The following ACER3 variants were observed in gnomAD, a reference collection of about 807,000 sequenced individuals.
ACER3 encodes alkCDase 3.
ACER3 carries 16 observed loss-of-function variants against 48.9 expected under a neutral mutation model. That is an observed-to-expected ratio of 0.33 (90% CI 0.22 to 0.50). The LOEUF (loss-of-function observed/expected upper bound fraction) is 0.50. Among genes scored for constraint, ACER3 ranks in the 20% least tolerant of loss-of-function variants. ACER3 has a pLI of 0.98. For missense variants in ACER3, 227 were observed against 326.0 expected (o/e 0.70, Z 2.34); for synonymous variants, 109 against 107.8 (o/e 1.01, Z -0.07).
chr11:76,868,609 C>T (rs922675427), intron 1 of ACER3, among the ~76,000 whole-genome samples: 2 of 152,190 alleles, frequency 1.3e-5, no homozygotes, highest in African/African-American at 4.8e-5. Flanking sequence ...CTGTGGGTCA[C>T]AAGACCCTCA....
At chr11:76,923,452 A>G (rs1190967582) in intron 1 of ACER3, among the ~76,000 whole-genome samples, 3 of 152,092 alleles carry the variant, frequency 2.0e-5, no homozygotes, top group African/African-American at 7.2e-5. Context: ...TAATTCTAAC[A>G]TCTGTTCTGG....
intron 1 of ACER3, among the ~76,000 whole-genome samples, chr11:76,891,860 G>A (rs752244572): frequency 1.3e-5 from 2 of 152,138 alleles, no homozygotes; most frequent in Admixed American, 6.5e-5. Flanking sequence ...AAAGCACATC[G>A]AGTGTTGTTT....
intron 7 of ACER3, among the ~76,000 whole-genome samples, chr11:77,008,859 C>T (rs1405567990): frequency 2.0e-5 from 3 of 152,014 alleles, no homozygotes; most frequent in African/African-American, 7.3e-5. Flanking sequence ...AGTTTGAGAC[C>T]AGGCTGGGCA....
chr11:76,867,034 T>C (rs914685800), intron 1 of ACER3, among the ~76,000 whole-genome samples: 1 of 152,330 alleles, frequency 6.6e-6, no homozygotes, highest in Non-Finnish European at 1.5e-5. Flanking sequence ...ATAATGCTGC[T>C]GTGAATATGG....
chr11:77,021,500 C>T lies in ACER3; in HGVS notation c.*1173C>T, dbSNP rs1274864574. On this transcript the variant is annotated 3_prime_UTR_variant, in exon 11 of 11. Coordinates refer to ENST00000532485, the MANE Select transcript of ACER3 (RefSeq NM_018367.7). The stretch of plus-strand genomic sequence containing the variant: ...GTATAACAAATTGCATCACTTTTCA[C>T]AAACTTAACACCTGCCTGGAGTAAA... The T allele has an allele frequency of 6.6e-6, 1 of 152,178 alleles. No individual in the cohort carries two copies. The highest frequency in any genetic ancestry group is 6.5e-5 in the Admixed American group (1 of 15,274). 9.4% of individuals were successfully genotyped at this position (152,178 alleles called of 1,614,324 possible). A position where few individuals can be genotyped will look rare whatever the true frequency, so the allele number is the denominator to read the frequency against.
chr11:76,982,235 T>TG (rs1182137516), intron 4 of ACER3, among the ~76,000 whole-genome samples: 1 of 149,998 alleles, frequency 6.7e-6, no homozygotes, highest in Admixed American at 6.6e-5. Context: ...TTTTTTTTTT[T>TG]GAGACAGAGT....
chr11:76,861,313 G>C (rs1315641881), intron 1 of ACER3, among the ~76,000 whole-genome samples: 1 of 149,558 alleles, frequency 6.7e-6, no homozygotes, highest in African/African-American at 2.4e-5. Flanking sequence ...TGAGGATTGG[G>C]GGGGCAGAAG....
rs782475386 is a variant in ACER3 at position 77,019,758 on chromosome 11, A to G, written c.732A>G (p.Arg244=). 1.2e-6 allele frequency: 2 copies of G among 1,614,004 alleles called. No individual in the cohort carries two copies. Among genetic ancestry groups the G allele is most frequent in the East Asian group, 4.5e-5 (2 of 44,868 alleles). ...TGTATACAAGAACACTTTACCTGAG[A>G]TATAGGCCAAAAGTGAAGGTAAGTC... ...FSLYTRTLYL[R]YRPKVKFLFG... Residue 244 remains arginine (R), a synonymous_variant, in exon 10 of 11, where the codon AGA becomes AGG. Transcript: ENST00000532485.
intron 7 of ACER3, among the ~76,000 whole-genome samples, chr11:77,014,070 G>T (rs1211615096): frequency 6.6e-6 from 1 of 152,194 alleles, no homozygotes; most frequent in African/African-American, 2.4e-5. Context: ...TCATGGGTAT[G>T]TACAGATGTA....
chr11:76,931,727 C>A (rs1001831228), intron 2 of ACER3, among the ~76,000 whole-genome samples: 22 of 151,952 alleles, frequency 1.4e-4, no homozygotes, highest in African/African-American at 5.3e-4. Flanking sequence ...ACTTATGAAG[C>A]TTAGTTTGGC....
At chr11:76,870,550 G>T (rs907282826) in intron 1 of ACER3, among the ~76,000 whole-genome samples, 5 of 152,160 alleles carry the variant, frequency 3.3e-5, no homozygotes, top group African/African-American at 1.2e-4. Flanking sequence ...CCTAAAGGTG[G>T]AACTGCTGGA....
intron 7 of ACER3, among the ~76,000 whole-genome samples, chr11:77,001,468 G>C (rs188170262): frequency 6.6e-6 from 1 of 152,276 alleles, no homozygotes; most frequent in East Asian, 1.9e-4. Context: ...ATGTTGGCTA[G>C]GCTGGTTTCA....
At chr11:76,936,580 G>T (rs4944129) in intron 2 of ACER3, among the ~76,000 whole-genome samples, 1 of 151,836 alleles carries the variant, frequency 6.6e-6, no homozygotes, top group Non-Finnish European at 1.5e-5. Context: ...TAACATTTAC[G>T]TTGTATTAAA....
intron 1 of ACER3, among the ~76,000 whole-genome samples, chr11:76,915,051 G>A (rs1946487453): frequency 4.6e-5 from 7 of 152,246 alleles, no homozygotes; most frequent in Middle Eastern, 3.4e-3. Context: ...CTGTTGTGGG[G>A]TGGGGAGGGA....
chr11:76,959,314 A>G, intron 3 of ACER3: 7 of 977,844 alleles, frequency 7.2e-6, no homozygotes, highest in Non-Finnish European at 9.5e-6. Context: ...GGACATCTTA[A>G]AAAGACATAA....
chr11:76,948,322 G>T (rs1189960207), intron 2 of ACER3, among the ~76,000 whole-genome samples: 1 of 149,772 alleles, frequency 6.7e-6, no homozygotes, highest in African/African-American at 2.4e-5. Flanking sequence ...ATTAGAGAAT[G>T]ATCTGTTCCC....
At chr11:76,930,245 A>T (rs1019364539) in intron 2 of ACER3, among the ~76,000 whole-genome samples, 1 of 152,080 alleles carries the variant, frequency 6.6e-6, no homozygotes, top group African/African-American at 2.4e-5. Context: ...TTTCTAGTTT[A>T]TTTGCATAGA....
At chr11:76,919,343 C>CT (rs1946625297) in intron 1 of ACER3, among the ~76,000 whole-genome samples, 1 of 152,138 alleles carries the variant, frequency 6.6e-6, no homozygotes, top group East Asian at 1.9e-4. Context: ...AAATTGTACC[C>CT]TTTTGCACAT....
intron 4 of ACER3, among the ~76,000 whole-genome samples, chr11:76,977,524 C>G (rs1451766670): frequency 2.6e-5 from 4 of 152,214 alleles, no homozygotes. Context: ...TCAGCCTTCT[C>G]TAAATGTTGG....
Sources: allele counts gnomAD v4.1 joint callset (sites outside exome capture counted in the v4.1 genomes callset), GRCh38; gene constraint gnomAD v4.1.1; transcripts MANE v1.5; gene names NCBI Gene and HGNC (gene_info 2026-07-23, HGNC 2026-07-21).